The following AGPAT3 variants were observed in gnomAD, a reference collection of about 807,000 sequenced individuals.
The protein encoded by AGPAT3 is 1-acyl-sn-glycerol-3-phosphate acyltransferase gamma.
A neutral mutation model predicts 47.3 loss-of-function variants in AGPAT3; 5 were observed. The ratio of observed to expected loss-of-function variants is 0.11; its 90% CI spans 0.06 to 0.22. The LOEUF (loss-of-function observed/expected upper bound fraction) is 0.22, where lower values mean the gene tolerates loss of function less well. Among genes scored for constraint, AGPAT3 ranks in the 10% least tolerant of loss-of-function variants. AGPAT3 has a pLI of 1.00. For synonymous variants in AGPAT3, 212 were observed against 208.3 expected, an observed-to-expected ratio of 1.02 and a Z score of -0.15; for missense variants, 315 against 493.0, an observed-to-expected ratio of 0.64 and a Z score of 3.42.
intron 3 of AGPAT3, chr21:43,967,701 C>T (rs553072371): frequency 3.7e-5 from 18 of 488,514 alleles, no homozygotes; most frequent in Non-Finnish European, 2.6e-5. Context: ...TAAAGATCAG[C>T]GTCTCCATGC....
In AGPAT3 at chr21:43,899,615, G is replaced by A. The variant is rs187533190; in HGVS notation, c.-111-4342G>A. Among the ~76,000 whole-genome samples the A allele has an allele frequency of 5.4e-3, 824 of 152,302 alleles. 8 individuals carry two copies. Among genetic ancestry groups the A allele is most frequent in the African/African-American group, 0.019 (776 of 41,568 alleles). On this transcript the variant is annotated intron_variant, in intron 1 of 9. Transcript: ENST00000291572. ...GAGCCCTGCTGCTTGGGCTGGCCGCGGTGAGCAGCGGCAGCGCTGTGGTTC... is the reference window on the plus strand; with the variant it reads ...GAGCCCTGCTGCTTGGGCTGGCCGCAGTGAGCAGCGGCAGCGCTGTGGTTC...
At chr21:43,968,147 A>G in intron 4 of AGPAT3, 32 bp downstream of exon 4, 1 of 1,490,758 alleles carries the variant, frequency 6.7e-7, no homozygotes, top group Middle Eastern at 1.8e-4. Context: ...GCCACGGGTG[A>G]GCAGGAGGGT....
intron 1 of AGPAT3, among the ~76,000 whole-genome samples, chr21:43,894,474 G>A (rs2086172115): frequency 6.6e-6 from 1 of 151,648 alleles, no homozygotes; most frequent in Non-Finnish European, 1.5e-5. Flanking sequence ...GGATAAGTGT[G>A]ATAATTTAAT....
chr21:43,915,659 G>A (rs920203107), intron 2 of AGPAT3, among the ~76,000 whole-genome samples: 3 of 151,340 alleles, frequency 2.0e-5, no homozygotes, highest in Admixed American at 2.0e-4. Flanking sequence ...TGATCCACCC[G>A]CGTTGGTCTC....
chr21:43,869,778 T>C (rs1191068132), intron 1 of AGPAT3, among the ~76,000 whole-genome samples: 3 of 152,226 alleles, frequency 2.0e-5, no homozygotes, highest in South Asian at 4.1e-4. Context: ...GCAAGGAGGC[T>C]GTGGCTCACC....
intron 1 of AGPAT3, among the ~76,000 whole-genome samples, chr21:43,903,629 T>G (rs1057194188): frequency 2.6e-5 from 4 of 152,198 alleles, no homozygotes; most frequent in African/African-American, 9.6e-5. Context: ...GCCCCGCCTT[T>G]CCAAGAGCCT....
In AGPAT3 at chr21:43,880,850, CATG is replaced by C. The variant is rs1435757030; in HGVS notation, c.-112+15506_-112+15508del. Among the ~76,000 whole-genome samples, 10 of 152,222 alleles carry C rather than the reference CATG, an allele frequency of 6.6e-5. No individual in the cohort carries two copies. The highest frequency in any genetic ancestry group is 1.9e-4 in the East Asian group (1 of 5,186). On this transcript the variant is annotated intron_variant, in intron 1 of 9. Transcript: ENST00000291572. The surrounding 1 kb of genome is among the most constrained non-coding windows in gnomAD (Gnocchi z 4.5). ...GACATTTCCAGTCGACTGTGTTTGA[CATG>C]GTGGTGAATTGGACACGTGACAGGT...
intron 2 of AGPAT3, among the ~76,000 whole-genome samples, chr21:43,919,392 A>G (rs1041613950): frequency 6.6e-6 from 1 of 152,162 alleles, no homozygotes; most frequent in Admixed American, 6.5e-5. Flanking sequence ...AAGTGAGAAC[A>G]GTTTTTGGTT....
At chr21:43,967,827 C>G in intron 3 of AGPAT3, 119 bp from the exon 4 acceptor site, 4 of 1,026,388 alleles carry the variant, frequency 3.9e-6, no homozygotes, top group Non-Finnish European at 5.6e-6. Context: ...CATCAAAACT[C>G]ATGTTTAGCA....
intron 1 of AGPAT3, among the ~76,000 whole-genome samples, chr21:43,872,461 G>A (rs1171366586): frequency 2.0e-5 from 3 of 152,182 alleles, no homozygotes; most frequent in South Asian, 2.1e-4. Flanking sequence ...AATTACAGGC[G>A]TGAGCCACCG....
intron 1 of AGPAT3, among the ~76,000 whole-genome samples, chr21:43,873,066 G>T (rs1449627438): frequency 6.6e-6 from 1 of 152,220 alleles, no homozygotes; most frequent in Non-Finnish European, 1.5e-5. Context: ...CAGAGCACTG[G>T]TGCCAGCGTG....
chr21:43,946,773 A>ATG (rs951600899), intron 2 of AGPAT3, among the ~76,000 whole-genome samples: 6 of 152,078 alleles, frequency 3.9e-5, no homozygotes, highest in African/African-American at 9.6e-5. Context: ...GCATGCATGT[A>ATG]TGTGTGTGTG....
chr21:43,950,148 G>A (rs933811567), intron 2 of AGPAT3, among the ~76,000 whole-genome samples: 4 of 152,226 alleles, frequency 2.6e-5, no homozygotes, highest in African/African-American at 7.2e-5. Context: ...GATAAACTCT[G>A]TGATTGTCTT....
rs1325711821 is a variant in AGPAT3, at chr21:43,967,955, T to C, written c.188T>C (p.Met63Thr). The C allele has an allele frequency of 1.2e-6, 2 of 1,613,958 alleles. No individual in the cohort carries two copies. The highest frequency in any genetic ancestry group is 8.5e-7 in the Non-Finnish European group (1 of 1,179,956). The change falls in exon 4 of 10, where the codon ATG (methionine) becomes ACG (threonine). Residue 63 changes from methionine to threonine, a missense_variant. Physicochemically the swap from Met to Thr is moderately conservative, Grantham distance 81. Transcript: ENST00000291572. ...CTCCCCCTGTCCGCAGAACTGGTCA[T>C]GCTGCTGGAGTGGTGGTCCTGCACG... is the stretch of plus-strand genomic sequence containing the variant. ...LAYSLWSQLV[M>T]LLEWWSCTEC...
intron 2 of AGPAT3, among the ~76,000 whole-genome samples, chr21:43,917,286 C>G (rs972580048): frequency 2.6e-5 from 4 of 152,170 alleles, no homozygotes; most frequent in African/African-American, 9.7e-5. Context: ...CCCGCTGCTC[C>G]TCCTTCTGCT....
intron 2 of AGPAT3, among the ~76,000 whole-genome samples, chr21:43,914,585 C>G (rs2086690892): frequency 6.6e-6 from 1 of 151,988 alleles, no homozygotes. Flanking sequence ...AAGTCTCAAT[C>G]TCTTCCCAGG....
chr21:43,926,397 A>C (rs1159556271), intron 2 of AGPAT3, among the ~76,000 whole-genome samples: 1 of 152,146 alleles, frequency 6.6e-6, no homozygotes, highest in Non-Finnish European at 1.5e-5. Context: ...GTGGTCCAGC[A>C]GGGAGGGCAT....
chr21:43,874,617 G>A (rs191490990), intron 1 of AGPAT3, among the ~76,000 whole-genome samples: 1 of 152,106 alleles, frequency 6.6e-6, no homozygotes, highest in Non-Finnish European at 1.5e-5. Flanking sequence ...ATAAAGTTGC[G>A]GTTAGGAAGC....
intron 1 of AGPAT3, among the ~76,000 whole-genome samples, chr21:43,886,178 A>G (rs1238299020): frequency 6.6e-6 from 1 of 152,142 alleles, no homozygotes; most frequent in Non-Finnish European, 1.5e-5. Context: ...GGAGTCACCA[A>G]TATCACCTCT....
Sources: allele counts gnomAD v4.1 joint callset (sites outside exome capture counted in the v4.1 genomes callset), GRCh38; gene constraint gnomAD v4.1.1; non-coding constraint Gnocchi (gnomAD v3.1); transcripts MANE v1.5; gene names NCBI Gene and HGNC (gene_info 2026-07-23, HGNC 2026-07-21).